The following USP53 variants were observed in gnomAD, a reference collection of about 807,000 sequenced individuals.
The protein encoded by USP53 is ubiquitin specific peptidase 53.
USP53 carries 71 observed loss-of-function variants against 94.9 expected under a neutral mutation model. The ratio of observed to expected loss-of-function variants is 0.75; its 90% CI spans 0.62 to 0.91. USP53 has a LOEUF of 0.91. Ranked by LOEUF, USP53 falls within the 40% of genes least tolerant of loss-of-function variation. The pLI is 0.00. For synonymous variants in USP53, 375 were observed against 422.7 expected (o/e 0.89, Z 1.39); for missense variants, 1,173 against 1,281.0 (o/e 0.92, Z 1.29).
intron 4 of USP53, among the ~76,000 whole-genome samples, 191 bp downstream of exon 4, chr4:119,235,602 T>C (rs1251229570): frequency 1.3e-5 from 2 of 151,978 alleles, no homozygotes; most frequent in African/African-American, 4.8e-5. Context: ...AAAGCCAGAG[T>C]TCTTAAAAAG....
intron 1 of USP53, among the ~76,000 whole-genome samples, chr4:119,213,651 T>TATATAG (rs1743228741): frequency 2.8e-5 from 3 of 107,908 alleles, no homozygotes; most frequent in African/African-American, 3.9e-5. Flanking sequence ...GATATATATA[T>TATATAG]ATATATATAT....
chr4:119,224,694 G>A (rs1473937430), intron 3 of USP53, among the ~76,000 whole-genome samples: 1 of 152,184 alleles, frequency 6.6e-6, no homozygotes, highest in Non-Finnish European at 1.5e-5. Context: ...CTGGGAACTG[G>A]GTACAGGGAG....
In USP53 at chr4:119,295,329, T is replaced by G. The variant is rs1336633573; in HGVS notation, c.*2118T>G. ...CTAATCATTTTATTTCATGTAAAAG[T>G]TTTACATCTAGGGTGCCTATTTATT... On this transcript the variant is annotated 3_prime_UTR_variant, in exon 19 of 19. Coordinates refer to ENST00000692078, the MANE Select transcript of USP53 (RefSeq NM_001371395.1). 6.6e-6 allele frequency: 1 copy of G among 152,162 alleles called. No individual in the cohort carries two copies. Among genetic ancestry groups the G allele is most frequent in the Non-Finnish European group, 1.5e-5 (1 of 68,018 alleles). 9.4% of individuals were successfully genotyped at this position (152,162 alleles called of 1,614,324 possible). A position where few individuals can be genotyped will look rare whatever the true frequency, so the allele number is the denominator to read the frequency against.
rs80075151 is a variant in USP53, at chr4:119,224,486, A to T, written c.-665+6813A>T. The stretch of plus-strand genomic sequence containing the variant: ...GCATGTATGAGGTTTAGAATTATTT[A>T]ACAATGTAACTCAGTGCATTTAAAT... On this transcript the variant is annotated intron_variant, in intron 3 of 18. Coordinates refer to ENST00000692078, the MANE Select transcript of USP53 (RefSeq NM_001371395.1). 6.4e-4 allele frequency among the ~76,000 whole-genome samples: 98 copies of T among 152,368 alleles called. No individual in the cohort carries two copies. In the East Asian group the frequency reaches 0.011, roughly 17 times the overall value.
chr4:119,256,185 A>G lies in USP53; in HGVS notation c.373-61A>G, dbSNP rs1017705070. On this transcript the variant is annotated intron_variant, in intron 7 of 18. Transcript: ENST00000692078. ...TTGGATAATCTGCAGGTAAAGAGTT[A>G]TATTTTGCTGTGTTCCCTGCAAGAT... 22 of 1,219,944 alleles carry G rather than the reference A, an allele frequency of 1.8e-5. No individual in the cohort carries two copies. In the African/African-American group the frequency reaches 1.8e-4, roughly 10 times the overall value. The allele number at this position is 1,219,944 out of a possible 1,614,324, so 75.6% of individuals were successfully genotyped here.
intron 6 of USP53, among the ~76,000 whole-genome samples, 154 bp downstream of exon 6, chr4:119,245,583 G>A (rs1216722215): frequency 6.6e-6 from 1 of 152,186 alleles, no homozygotes; most frequent in Admixed American, 6.5e-5. Flanking sequence ...ATTCAGGTTT[G>A]TGTTTTCATT....
At chr4:119,281,815 A>G (rs1561341220) in intron 17 of USP53, among the ~76,000 whole-genome samples, 1 of 152,142 alleles carries the variant, frequency 6.6e-6, no homozygotes, top group African/African-American at 2.4e-5. Flanking sequence ...TTGTGGTAAA[A>G]TATGTATAGC....
At chr4:119,223,111 A>G (rs1744769696) in intron 3 of USP53, among the ~76,000 whole-genome samples, 1 of 152,206 alleles carries the variant, frequency 6.6e-6, no homozygotes, top group African/African-American at 2.4e-5. Flanking sequence ...TTAAAAGTTT[A>G]TTACAAATGT....
chr4:119,249,660 A>ATTTTTT, intron 7 of USP53, among the ~76,000 whole-genome samples: 1 of 99,716 alleles, frequency 1.0e-5, no homozygotes, highest in South Asian at 3.5e-4. Flanking sequence ...TTTATGTCCT[A>ATTTTTT]TTTTTTTTTT....
intron 13 of USP53, among the ~76,000 whole-genome samples, chr4:119,268,059 C>A (rs1751378025): frequency 6.7e-6 from 1 of 149,952 alleles, no homozygotes; most frequent in Non-Finnish European, 1.5e-5. Context: ...CCCAGCTACT[C>A]GGGAGGCTGA....
At chr4:119,253,803 C>G (rs1323479918) in intron 7 of USP53, among the ~76,000 whole-genome samples, 1 of 152,164 alleles carries the variant, frequency 6.6e-6, no homozygotes, top group Non-Finnish European at 1.5e-5. Context: ...GATGCAGTTT[C>G]TTCATAGCGT....
In USP53 at chr4:119,217,587, A is replaced by C. The variant is rs1743971537; in HGVS notation, c.-751A>C. The stretch of plus-strand genomic sequence containing the variant: ...TGCTTTACATTCTAAGTGGATTTGG[A>C]GAAGAGACAATAAAGAATAAGCAGT... On this transcript the variant is annotated 5_prime_UTR_variant, in exon 3 of 19. Transcript: ENST00000692078. 1 of 152,180 alleles carries C rather than the reference A, an allele frequency of 6.6e-6. No homozygotes were observed. Among genetic ancestry groups the C allele is most frequent in the Non-Finnish European group, 1.5e-5 (1 of 68,046 alleles). The allele number at this position is 152,180 out of a possible 1,614,324, so 9.4% of individuals were successfully genotyped here. A position where few individuals can be genotyped will look rare whatever the true frequency, so the allele number is the denominator to read the frequency against.
At chr4:119,256,610 C>A in intron 9 of USP53, 87 bp downstream of exon 9, 1 of 1,328,114 alleles carries the variant, frequency 7.5e-7, no homozygotes, top group Non-Finnish European at 1.1e-6. Flanking sequence ...TCATAGCATA[C>A]ATGAATTTCC....
At chr4:119,290,400 C>T (rs1754618331) in intron 17 of USP53, among the ~76,000 whole-genome samples, 1 of 152,128 alleles carries the variant, frequency 6.6e-6, no homozygotes, top group African/African-American at 2.4e-5. Context: ...TATTAGGAAG[C>T]ATTATGGCAT....
At chr4:119,231,310 T>G (rs148332077) in intron 3 of USP53, among the ~76,000 whole-genome samples, 1 of 152,224 alleles carries the variant, frequency 6.6e-6, no homozygotes. Flanking sequence ...ACCTAATATA[T>G]CTCAATAAAA....
In USP53 at chr4:119,293,948, G is replaced by C. The variant is rs1326256478; in HGVS notation, c.*737G>C. On this transcript the variant is annotated 3_prime_UTR_variant, in exon 19 of 19. Transcript: ENST00000692078. ...TTTGCTCCTAGAATTTTTGTCTTCA[G>C]AATATCTAGTTAAGATAAATTAGGC... 1 of 152,052 alleles carries C rather than the reference G, an allele frequency of 6.6e-6. No homozygotes were observed. The highest frequency in any genetic ancestry group is 1.9e-4 in the East Asian group (1 of 5,192). 9.4% of individuals were successfully genotyped at this position (152,052 alleles called of 1,614,324 possible).
At chr4:119,214,465 T>A (rs1274946066) in intron 2 of USP53, among the ~76,000 whole-genome samples, 2 of 152,146 alleles carry the variant, frequency 1.3e-5, no homozygotes, top group African/African-American at 4.8e-5. Flanking sequence ...CAAATATTTT[T>A]AAAAATGTAT....
chr4:119,287,694 C>T (rs1043918232), intron 17 of USP53, among the ~76,000 whole-genome samples: 2 of 151,996 alleles, frequency 1.3e-5, no homozygotes, highest in African/African-American at 4.8e-5. Flanking sequence ...GAAGTGTAGA[C>T]GATTAATTGA....
In USP53 at chr4:119,214,072, C is replaced by G. The variant is rs1380622492; in HGVS notation, c.-939C>G. The G allele has an allele frequency of 2.7e-5, 4 of 150,496 alleles. No homozygotes were observed. The highest frequency in any genetic ancestry group is 1.3e-4 in the Admixed American group (2 of 15,122). 9.3% of individuals were successfully genotyped at this position (150,496 alleles called of 1,614,324 possible). A position where few individuals can be genotyped will look rare whatever the true frequency, so the allele number is the denominator to read the frequency against. ...TTGTTATTTTCTGTTCTTTTCAGTT[C>G]CGTGATGATGGTCTAAGCAAAGACC... is the stretch of plus-strand genomic sequence containing the variant. On this transcript the variant is annotated splice_region_variant and 5_prime_UTR_variant, in exon 2 of 19. Transcript: ENST00000692078.
Sources: allele counts gnomAD v4.1 joint callset (sites outside exome capture counted in the v4.1 genomes callset), GRCh38; gene constraint gnomAD v4.1.1; transcripts MANE v1.5; gene names NCBI Gene and HGNC (gene_info 2026-07-23, HGNC 2026-07-21).